KCNH2: variants seen among roughly 807,000 people sequenced by gnomAD.
KCNH2 encodes the protein potassium voltage-gated channel subfamily H member 2.
In KCNH2, 35 loss-of-function variants were observed where a neutral mutation model predicts 95.9. The observed-to-expected ratio is 0.37, with a 90% CI of 0.28 to 0.48. The LOEUF is 0.48. Ranked by LOEUF, KCNH2 falls within the 20% of genes least tolerant of loss-of-function variation. The pLI, the probability that KCNH2 is intolerant of heterozygous loss-of-function variation, is 0.99. For missense variants in KCNH2, 1,274 were observed against 1,702.9 expected (o/e 0.75, Z 4.43); for synonymous variants, 786 against 754.7 (o/e 1.04, Z -0.68).
At chr7:150,971,055 G>A (rs1008241063) in intron 2 of KCNH2, among the ~76,000 whole-genome samples, 3 of 152,338 alleles carry the variant, frequency 2.0e-5, no homozygotes, top group African/African-American at 4.8e-5. Flanking sequence ...AAGGTGAGGC[G>A]TGGTGGTGAC....
Position 150,948,443 on chromosome 7 carries a change from C to T in KCNH2, c.2692+1G>A. 1 of 1,552,262 alleles carries T rather than the reference C, an allele frequency of 6.4e-7. No homozygotes were observed. The highest frequency in any genetic ancestry group is 8.8e-7 in the Non-Finnish European group (1 of 1,133,960). On this transcript the variant is annotated splice_donor_variant, in intron 11 of 14. Coordinates refer to ENST00000262186, the MANE Select transcript of KCNH2 (RefSeq NM_000238.4). LOFTEE classifies it high-confidence loss of function. Reference sequence around the variant, plus strand: ...CCCCTTCCTCCCCTCCCCCGCCTCACCCTTGTCCGTGCGCCTGCGGAAGGA... The same window carrying T: ...CCCCTTCCTCCCCTCCCCCGCCTCATCCTTGTCCGTGCGCCTGCGGAAGGA...
intron 11 of KCNH2, 126 bp from the exon 12 acceptor site, chr7:150,948,004 C>A: frequency 7.6e-6 from 9 of 1,183,466 alleles, no homozygotes; most frequent in Non-Finnish European, 1.0e-5. Flanking sequence ...TGTCCCCAGT[C>A]GCTTCTTCTG....
In KCNH2 at chr7:150,952,506, G is replaced by A. The variant is rs1801213900; in HGVS notation, c.1476C>T (p.His492=). 1.9e-6 allele frequency: 3 copies of A among 1,614,032 alleles called. No homozygotes were observed. Among genetic ancestry groups the A allele is most frequent in the African/African-American group, 1.3e-5 (1 of 74,934 alleles). ...CGATGAGGAACCAGCCCTTGAAGTA[G>A]TGGACGGCGATGCGGCCGGGGTGGC... ...VVSHPGRIAV[H]YFKGWFLIDM... is the part of the protein sequence containing the mutation. The change falls in exon 6 of 15, where the codon CAC becomes CAT. Residue 492 remains histidine (H), a synonymous_variant. Transcript: ENST00000262186. This position sits in a 1 kb window ranked among gnomAD's most constrained non-coding sequence, Gnocchi z 7.3.
In KCNH2 at chr7:150,974,961, AGT is replaced by A. The variant is rs1342047259; in HGVS notation, c.77-22_77-21del. ...TACGGCCTAGGGGGGCGGGGAGGAG[AGT>A]GCGCGTGAGCGGGGACCCCAGCCTC... On this transcript the variant is annotated intron_variant, in intron 1 of 14. Transcript: ENST00000262186. The A allele has an allele frequency of 3.2e-6, 5 of 1,563,770 alleles. No individual in the cohort carries two copies. The Admixed American group carries it at 8.9e-5, about 28-fold the overall frequency.
At chr7:150,947,301 C>T (rs750981914) in intron 13 of KCNH2, 27 bp downstream of exon 13, 97 of 1,523,306 alleles carry the variant, frequency 6.4e-5, no homozygotes, top group East Asian at 5.1e-4. Context: ...CAGGGCGTGC[C>T]CCCCCACCCC....
In KCNH2 at chr7:150,958,376, A is replaced by T. The variant is rs779715159; in HGVS notation, c.599T>A (p.Leu200Gln). ...APGAVVVDVD[L>Q]TPAAPSSESL... ...CTCGCTGCTGGGTGCCGCGGGCGTCAGGTCCACGTCCACCACCACGGCCCC... is the reference window on the plus strand; with the variant it reads ...CTCGCTGCTGGGTGCCGCGGGCGTCTGGTCCACGTCCACCACCACGGCCCC... The change falls in exon 4 of 15, where the codon CTG (leucine) becomes CAG (glutamine). Residue 200 changes from leucine (L) to glutamine (Q), a missense_variant. Transcript: ENST00000262186. 3 of 1,477,010 alleles carry T rather than the reference A, an allele frequency of 2.0e-6. No individual in the cohort carries two copies. In the South Asian group the frequency reaches 3.8e-5, roughly 19 times the overall value. 91.5% of individuals were successfully genotyped at this position (1,477,010 alleles called of 1,614,324 possible).
rs201337201 is a variant in KCNH2 at position 150,947,072 on chromosome 7, G to A, written c.3153-18C>T. 1.1e-4 allele frequency: 167 copies of A among 1,577,226 alleles called. 2 individuals are homozygous for A. In the African/African-American group the frequency reaches 2.0e-3, roughly 19 times the overall value. On this transcript the variant is annotated intron_variant, in intron 13 of 14. Transcript: ENST00000262186. ...TCTCCAGCCTGGGGCAGGAAGTGGG[G>A]GATGCTCAGAGAAGTGGGGACACCA...
At chr7:150,963,774 G>GCA (rs1801630753) in intron 2 of KCNH2, among the ~76,000 whole-genome samples, 2 of 152,302 alleles carry the variant, frequency 1.3e-5, no homozygotes, top group East Asian at 3.9e-4. Flanking sequence ...GTGCCTTTGG[G>GCA]CCCAATGGCC....
chr7:150,971,255 G>A (rs928843719), intron 2 of KCNH2, among the ~76,000 whole-genome samples: 2 of 152,196 alleles, frequency 1.3e-5, no homozygotes, highest in African/African-American at 4.8e-5. Context: ...TGGGGAGGCT[G>A]GGTTCCAAGG....
Position 150,947,553 on chromosome 7 carries a change from G to C in KCNH2, c.2966-39C>G, listed in dbSNP as rs779740014. The stretch of plus-strand genomic sequence containing the variant: ...GCAGAGCTGGGTGAGCGGGGTAGAC[G>C]CACCACCGCTGCCACGCCCGGTCCT... On this transcript the variant is annotated intron_variant, in intron 12 of 14. Transcript: ENST00000262186. The C allele has an allele frequency of 6.9e-6, 11 of 1,602,012 alleles. No homozygotes were observed. The African/African-American group carries it at 1.2e-4, about 18-fold the overall frequency.
At position 150,945,021 on chromosome 7, in the gene KCNH2, G is replaced by A. The variant is rs796518719; in HGVS notation, c.*344C>T. 6 of 267,026 alleles carry A rather than the reference G, an allele frequency of 2.2e-5. 1 individual carries two copies. Among genetic ancestry groups the A allele is most frequent in the African/African-American group, 1.1e-4 (5 of 46,080 alleles). The allele number at this position is 267,026 out of a possible 1,614,324, so 16.5% of individuals were successfully genotyped here. ...CAGCATCTTCATTAATTATTCATAT[G>A]ATCCTTAATTATTATCCTTAACAAT... On this transcript the variant is annotated 3_prime_UTR_variant, in exon 15 of 15. Transcript: ENST00000262186. This position sits in a 1 kb window ranked among gnomAD's most constrained non-coding sequence, Gnocchi z 5.6.
chr7:150,945,308 C>A lies in KCNH2; in HGVS notation c.*57G>T. 6.6e-7 allele frequency: 1 copy of A among 1,526,338 alleles called. No individual in the cohort carries two copies. Among genetic ancestry groups the A allele is most frequent in the Non-Finnish European group, 8.9e-7 (1 of 1,129,026 alleles). 94.5% of individuals were successfully genotyped at this position (1,526,338 alleles called of 1,614,324 possible). A position where few individuals can be genotyped will look rare whatever the true frequency, so the allele number is the denominator to read the frequency against. On this transcript the variant is annotated 3_prime_UTR_variant, in exon 15 of 15. Transcript: ENST00000262186. This position sits in a 1 kb window ranked among gnomAD's most constrained non-coding sequence, Gnocchi z 5.6. Reference sequence around the variant, plus strand: ...TCCTGAGCAGGGCCTCCAAGGGGAGCGGCCCAGCAGCGCCTTGATCCCTGG... The same window carrying A: ...TCCTGAGCAGGGCCTCCAAGGGGAGAGGCCCAGCAGCGCCTTGATCCCTGG...
rs530547588 is a variant in KCNH2, at chr7:150,949,595, T to C, written c.2399-546A>G. 1.3e-5 allele frequency: 14 copies of C among 1,073,818 alleles called. No individual in the cohort carries two copies. In the East Asian group the frequency reaches 8.3e-4, roughly 63 times the overall value. The allele number at this position is 1,073,818 out of a possible 1,614,324, so 66.5% of individuals were successfully genotyped here. A position where few individuals can be genotyped will look rare whatever the true frequency, so the allele number is the denominator to read the frequency against. On this transcript the variant is annotated intron_variant, in intron 9 of 14. Coordinates refer to ENST00000262186, the MANE Select transcript of KCNH2 (RefSeq NM_000238.4). ...CAGAGCTGAGAAACAAAGTCTAAAA[T>C]GTCCTACCATCAACTATGGTCGAAA...
At chr7:150,954,635 C>G (rs1395653889) in intron 5 of KCNH2, among the ~76,000 whole-genome samples, 1 of 152,242 alleles carries the variant, frequency 6.6e-6, no homozygotes, top group African/African-American at 2.4e-5. Context: ...GAAGACCTAC[C>G]TGTACCTGTC....
At position 150,945,318 on chromosome 7, in the gene KCNH2, G is replaced by C; in HGVS notation, c.*47C>G. On this transcript the variant is annotated 3_prime_UTR_variant, in exon 15 of 15. Coordinates refer to ENST00000262186, the MANE Select transcript of KCNH2 (RefSeq NM_000238.4). This position sits in a 1 kb window ranked among gnomAD's most constrained non-coding sequence, Gnocchi z 5.6. Reference sequence around the variant, plus strand: ...GGCCTCCAAGGGGAGCGGCCCAGCAGCGCCTTGATCCCTGGGTGAGCCACG... The same window carrying C: ...GGCCTCCAAGGGGAGCGGCCCAGCACCGCCTTGATCCCTGGGTGAGCCACG... 1 of 1,557,422 alleles carries C rather than the reference G, an allele frequency of 6.4e-7. No homozygotes were observed. Among genetic ancestry groups the C allele is most frequent in the Non-Finnish European group, 8.7e-7 (1 of 1,149,670 alleles).
chr7:150,976,952 C>T (rs530977202), intron 1 of KCNH2, among the ~76,000 whole-genome samples: 1 of 152,230 alleles, frequency 6.6e-6, no homozygotes, highest in African/African-American at 2.4e-5. Flanking sequence ...GGGTCATGGA[C>T]AAGGAATGTC....
At chr7:150,955,233 G>A (rs1437015295) in intron 5 of KCNH2, among the ~76,000 whole-genome samples, 2 of 152,262 alleles carry the variant, frequency 1.3e-5, no homozygotes, top group South Asian at 2.1e-4. Context: ...GAGGGAATGA[G>A]AACAGGAGCC....
At chr7:150,976,857 C>T (rs1340913979) in intron 1 of KCNH2, among the ~76,000 whole-genome samples, 1 of 150,422 alleles carries the variant, frequency 6.6e-6, no homozygotes, top group African/African-American at 2.5e-5. Flanking sequence ...TCATCTTGTT[C>T]CTCCGCTTCA....
At chr7:150,971,485 A>G (rs1563186133) in intron 2 of KCNH2, among the ~76,000 whole-genome samples, 1 of 152,046 alleles carries the variant, frequency 6.6e-6, no homozygotes, top group Admixed American at 6.5e-5. Flanking sequence ...CACCGTCCCC[A>G]CCCACGCACA....
Sources: allele counts gnomAD v4.1 joint callset (sites outside exome capture counted in the v4.1 genomes callset), GRCh38; gene constraint gnomAD v4.1.1; non-coding constraint Gnocchi (gnomAD v3.1); transcripts MANE v1.5; gene names NCBI Gene and HGNC (gene_info 2026-07-23, HGNC 2026-07-21).